The following FAAH2 variants were observed in gnomAD, a reference collection of about 807,000 sequenced individuals.
FAAH2 encodes fatty acid amide hydrolase 2, also known as fatty-acid amide hydrolase 2.
Under a neutral mutation model 36.9 loss-of-function variants are expected in FAAH2, and 60 were observed. The observed-to-expected ratio is 1.63, with a 90% CI of 1.32 to 2.02. FAAH2 has a LOEUF of 2.02. Ranked by LOEUF, FAAH2 falls within the 30% of genes most tolerant of loss-of-function variation. FAAH2 has a pLI of 0.00. For synonymous variants in FAAH2, 214 were observed against 143.8 expected, an observed-to-expected ratio of 1.49 and a Z score of -3.49; for missense variants, 689 against 397.5, an observed-to-expected ratio of 1.73 and a Z score of -6.23.
the FAAH2 span, among the ~76,000 whole-genome samples, chrX:57,208,216 A>G: frequency 8.9e-6 from 1 of 112,279 alleles, no homozygotes; most frequent in East Asian, 2.8e-4. Context: ...TCTTCAAAAT[A>G]AGGAGGGGAT....
At chrX:57,202,115 C>G in the FAAH2 span, among the ~76,000 whole-genome samples, 1 of 112,134 alleles carries the variant, frequency 8.9e-6, no homozygotes, top group South Asian at 3.7e-4. Context: ...TCACATATCT[C>G]TGTTTCTCCA....
the FAAH2 span, among the ~76,000 whole-genome samples, chrX:57,191,757 G>A: frequency 8.9e-6 from 1 of 111,894 alleles, no homozygotes; most frequent in African/African-American, 3.2e-5. Context: ...TCCTCAGTGT[G>A]TGTTCTTGTC....
intron 10 of FAAH2, among the ~76,000 whole-genome samples, chrX:57,469,033 C>T (rs1337684474): frequency 9.0e-6 from 1 of 111,640 alleles, no homozygotes; most frequent in Non-Finnish European, 1.9e-5. Context: ...AAATCCTTTA[C>T]AGACAAACAA....
At chrX:57,219,379 G>A in the FAAH2 span, among the ~76,000 whole-genome samples, 1 of 111,662 alleles carries the variant, frequency 9.0e-6, no homozygotes, top group Non-Finnish European at 1.9e-5. Context: ...CATGGACCTA[G>A]CCCTCCACCC....
chrX:57,301,917 G>A (rs1421201963), intron 2 of FAAH2, among the ~76,000 whole-genome samples: 7 of 111,867 alleles, frequency 6.3e-5, no homozygotes, highest in African/African-American at 3.3e-5. Context: ...TTGTTTTGGA[G>A]CTCCTGAATG....
chrX:57,177,133 C>T, the FAAH2 span, among the ~76,000 whole-genome samples: 2 of 110,948 alleles, frequency 1.8e-5, no homozygotes, highest in Non-Finnish European at 3.8e-5. Context: ...TGTAATACCC[C>T]AATAGTGAGA....
chrX:57,279,448 G>T, the FAAH2 span, among the ~76,000 whole-genome samples: 2 of 111,813 alleles, frequency 1.8e-5, no homozygotes, highest in Admixed American at 9.5e-5. Flanking sequence ...ACTGGTGCCT[G>T]TTGGGGACTG....
intron 3 of FAAH2, among the ~76,000 whole-genome samples, chrX:57,328,398 C>G (rs907233038): frequency 8.9e-6 from 1 of 111,838 alleles, no homozygotes. Flanking sequence ...TGTTTTTCTG[C>G]TCTATCAGGT....
intron 5 of FAAH2, among the ~76,000 whole-genome samples, chrX:57,355,073 G>A (rs1470061732): frequency 9.1e-6 from 1 of 110,086 alleles, no homozygotes; most frequent in South Asian, 3.8e-4. Context: ...TTTTGAATTT[G>A]AATTGTAACT....
intron 10 of FAAH2, among the ~76,000 whole-genome samples, chrX:57,488,033 A>G (rs1021614923): frequency 3.6e-5 from 4 of 111,807 alleles, no homozygotes; most frequent in Non-Finnish European, 5.6e-5. Context: ...GTTACATATT[A>G]TATAATTCAA....
chrX:57,186,938 C>T, the FAAH2 span, among the ~76,000 whole-genome samples: 2 of 111,607 alleles, frequency 1.8e-5, no homozygotes, highest in Non-Finnish European at 3.8e-5. Context: ...GTTTTAATAC[C>T]AGAATCATGC....
At chrX:57,430,711 C>T (rs756919758) in intron 7 of FAAH2, among the ~76,000 whole-genome samples, 23 of 111,975 alleles carry the variant, frequency 2.1e-4, no homozygotes, top group Non-Finnish European at 3.4e-4. Context: ...CAGTTAAGTG[C>T]TGCCACTTTT....
chrX:57,128,707 A>G, the FAAH2 span, among the ~76,000 whole-genome samples: 1 of 112,093 alleles, frequency 8.9e-6, no homozygotes, highest in Admixed American at 9.5e-5. Flanking sequence ...TTGAAAATAT[A>G]AAATTGTCAT....
the FAAH2 span, among the ~76,000 whole-genome samples, chrX:57,273,188 G>A: frequency 3.6e-5 from 4 of 111,607 alleles, no homozygotes; most frequent in African/African-American, 9.8e-5. Context: ...TTTGGTGAAG[G>A]GATCAATGCA....
the FAAH2 span, among the ~76,000 whole-genome samples, chrX:57,141,927 T>C: frequency 4.1e-3 from 455 of 111,011 alleles, 2 homozygotes; most frequent in African/African-American, 0.014. Flanking sequence ...ATTAGCTATT[T>C]GTCTTAATGC....
At chrX:57,469,617 C>A (rs2147243283) in intron 10 of FAAH2, among the ~76,000 whole-genome samples, 1 of 111,789 alleles carries the variant, frequency 8.9e-6, no homozygotes, top group South Asian at 3.8e-4. Context: ...GAGAGACCTA[C>A]AAAGAGAATT....
At chrX:57,156,352 A>G in the FAAH2 span, among the ~76,000 whole-genome samples, 1 of 111,995 alleles carries the variant, frequency 8.9e-6, no homozygotes, top group Non-Finnish European at 1.9e-5. Context: ...GAGAGGTTCT[A>G]TATCTCTGGC....
chrX:57,441,521 T>C (rs777758380), intron 8 of FAAH2, among the ~76,000 whole-genome samples: 47 of 110,997 alleles, frequency 4.2e-4, no homozygotes, highest in Admixed American at 4.1e-3. Flanking sequence ...GCTAGTGGTC[T>C]ATCAATTTTG....
the FAAH2 span, among the ~76,000 whole-genome samples, chrX:57,248,604 T>C: frequency 9.3e-6 from 1 of 107,742 alleles, no homozygotes; most frequent in Non-Finnish European, 1.9e-5. Flanking sequence ...AAATACAAAA[T>C]TAGCCAGGCT....
Sources: gnomAD v4.1 joint callset for allele counts (sites outside exome capture counted in the v4.1 genomes callset) on GRCh38, gnomAD v4.1.1 for gene constraint, MANE v1.5 for transcripts, NCBI Gene and HGNC (gene_info 2026-07-23, HGNC 2026-07-21) for gene names.